The following KIAA1549L variants were observed in gnomAD, a reference collection of about 807,000 sequenced individuals.
The protein encoded by KIAA1549L is UPF0606 protein KIAA1549L.
In KIAA1549L, 88 loss-of-function variants were observed where a neutral mutation model predicts 160.7. The ratio of observed to expected loss-of-function variants is 0.55; its 90% CI spans 0.46 to 0.65. The LOEUF is 0.65. KIAA1549L is among the 30% of genes least tolerant of loss of function. The pLI, the probability that KIAA1549L is intolerant of heterozygous loss-of-function variation, is 0.00. For synonymous variants in KIAA1549L, 950 were observed against 976.7 expected (o/e 0.97, Z 0.51); for missense variants, 2,258 against 2,437.5 (o/e 0.93, Z 1.55).
intron 13 of KIAA1549L, among the ~76,000 whole-genome samples, chr11:33,605,177 TTTG>T (rs1361235276): frequency 6.6e-6 from 1 of 151,812 alleles, no homozygotes; most frequent in Non-Finnish European, 1.5e-5. Flanking sequence ...TTTGTTTTGT[TTTG>T]TTTTGTTTTG....
chr11:33,665,731 G>A (rs1852424740), intron 20 of KIAA1549L, among the ~76,000 whole-genome samples: 1 of 152,136 alleles, frequency 6.6e-6, no homozygotes, highest in Non-Finnish European at 1.5e-5. Flanking sequence ...CCACCCAGGA[G>A]TCTGTCTGTC....
intron 7 of KIAA1549L, 24 bp from the exon 8 acceptor site, chr11:33,561,652 G>A: frequency 6.5e-7 from 1 of 1,541,130 alleles, no homozygotes; most frequent in Non-Finnish European, 9.0e-7. Context: ...AAAAGTAATT[G>A]GGTATGTTTC....
chr11:33,584,775 C>T (rs1355315354), intron 11 of KIAA1549L, among the ~76,000 whole-genome samples: 1 of 152,170 alleles, frequency 6.6e-6, no homozygotes, highest in Non-Finnish European at 1.5e-5. Flanking sequence ...CTGAGGCTCA[C>T]ATCTGAGTCT....
chr11:33,648,974 G>A (rs1276386272), intron 17 of KIAA1549L, among the ~76,000 whole-genome samples: 5 of 152,228 alleles, frequency 3.3e-5, no homozygotes, highest in East Asian at 1.9e-4. Context: ...CTTCTAATCC[G>A]ACAACCACCC....
chr11:33,446,679 T>A lies in KIAA1549L; in HGVS notation c.238+69790T>A, dbSNP rs551520583. ...GGTGCTAGAGGATACTTTTTTTTTT[T>A]AAATTTAAGTTTTAGAGGATACATG... On this transcript the variant is annotated intron_variant, in intron 1 of 20. Coordinates refer to ENST00000658780, the MANE Select transcript of KIAA1549L (RefSeq NM_012194.3). Among the ~76,000 whole-genome samples, 10 of 152,130 alleles carry A rather than the reference T, an allele frequency of 6.6e-5. No individual in the cohort carries two copies. The East Asian group carries it at 7.7e-4, about 12-fold the overall frequency.
chr11:33,556,869 T>A (rs1050533292), intron 6 of KIAA1549L, among the ~76,000 whole-genome samples: 2 of 152,246 alleles, frequency 1.3e-5, no homozygotes, highest in African/African-American at 4.8e-5. Context: ...AAATTTTATA[T>A]GTGTGTTTTA....
chr11:33,458,740 C>T (rs544552053), intron 1 of KIAA1549L, among the ~76,000 whole-genome samples: 2 of 152,318 alleles, frequency 1.3e-5, no homozygotes, highest in East Asian at 1.9e-4. Context: ...GGCCCCTACC[C>T]AGGTGTGTTT....
intron 17 of KIAA1549L, among the ~76,000 whole-genome samples, chr11:33,652,549 A>G (rs1466236106): frequency 1.3e-5 from 2 of 152,210 alleles, no homozygotes; most frequent in Non-Finnish European, 2.9e-5. Flanking sequence ...ACATCCACAG[A>G]CATAGAAAGC....
intron 10 of KIAA1549L, among the ~76,000 whole-genome samples, chr11:33,577,562 G>C (rs139485170): frequency 1.5e-4 from 23 of 152,236 alleles, no homozygotes; most frequent in Admixed American, 1.4e-3. Context: ...AGTGGAGTAC[G>C]GGGGACACTT....
chr11:33,589,984 A>G (rs1366122914), intron 11 of KIAA1549L, among the ~76,000 whole-genome samples: 1 of 152,176 alleles, frequency 6.6e-6, no homozygotes, highest in African/African-American at 2.4e-5. Flanking sequence ...CTTGAATTTC[A>G]TCTGCAGATT....
At chr11:33,489,858 A>T (rs1361764566) in intron 1 of KIAA1549L, among the ~76,000 whole-genome samples, 1 of 152,252 alleles carries the variant, frequency 6.6e-6, no homozygotes, top group African/African-American at 2.4e-5. Context: ...CCACTGCAAC[A>T]GTTAATAAAA....
intron 1 of KIAA1549L, among the ~76,000 whole-genome samples, chr11:33,472,552 G>A (rs1346072174): frequency 1.3e-5 from 2 of 152,106 alleles, no homozygotes; most frequent in South Asian, 2.1e-4. Flanking sequence ...TAATATTGGA[G>A]TGTTCTAATA....
intron 1 of KIAA1549L, among the ~76,000 whole-genome samples, chr11:33,412,836 G>T (rs1029741698): frequency 6.6e-6 from 1 of 152,192 alleles, no homozygotes; most frequent in African/African-American, 2.4e-5. Context: ...TGGGATAGAT[G>T]CTATTTTTCT....
intron 2 of KIAA1549L, 139 bp from the exon 3 acceptor site, chr11:33,544,628 G>A (rs1283593985): frequency 7.2e-6 from 8 of 1,106,102 alleles, no homozygotes. Flanking sequence ...GAGTTGTTTT[G>A]CCTAAGTTCT....
intron 15 of KIAA1549L, among the ~76,000 whole-genome samples, chr11:33,610,209 T>C (rs909720803): frequency 9.8e-5 from 15 of 152,336 alleles, no homozygotes; most frequent in African/African-American, 3.6e-4. Flanking sequence ...ATCAGCTTAA[T>C]GGTATTTTCA....
Position 33,393,395 on chromosome 11 carries a change from G to A in KIAA1549L, c.238+16506G>A, listed in dbSNP as rs145667774. The stretch of plus-strand genomic sequence containing the variant: ...GGCCATCCTTGAGGTCTCCTGGCCC[G>A]TCTCCTTCATCAGACTGTGAACTCG... On this transcript the variant is annotated intron_variant, in intron 1 of 20. Transcript: ENST00000658780. Among the ~76,000 whole-genome samples, 98 of 152,234 alleles carry A rather than the reference G, an allele frequency of 6.4e-4. No individual in the cohort carries two copies. In the East Asian group the frequency reaches 0.016, roughly 25 times the overall value.
At chr11:33,480,123 T>C (rs2133045929) in intron 1 of KIAA1549L, among the ~76,000 whole-genome samples, 1 of 152,216 alleles carries the variant, frequency 6.6e-6, no homozygotes, top group South Asian at 2.1e-4. Flanking sequence ...AGCTCACCCG[T>C]TTAAAGTGTG....
At chr11:33,620,245 C>A (rs1446008749) in intron 16 of KIAA1549L, among the ~76,000 whole-genome samples, 2 of 152,106 alleles carry the variant, frequency 1.3e-5, no homozygotes, top group African/African-American at 2.4e-5. Context: ...GATTGCTCAC[C>A]CTTACAGACA....
intron 1 of KIAA1549L, among the ~76,000 whole-genome samples, chr11:33,496,163 C>T (rs1204502246): frequency 4.6e-5 from 7 of 152,080 alleles, no homozygotes; most frequent in Admixed American, 2.6e-4. Context: ...GGGGTTTTGC[C>T]ATGTTGGGCA....
Sources: gnomAD v4.1 joint callset for allele counts (sites outside exome capture counted in the v4.1 genomes callset) on GRCh38, gnomAD v4.1.1 for gene constraint, MANE v1.5 for transcripts, NCBI Gene and HGNC (gene_info 2026-07-23, HGNC 2026-07-21) for gene names.